GRID1: variants seen among roughly 807,000 people sequenced by gnomAD.
The protein encoded by GRID1 is glutamate receptor ionotropic, delta-1.
Under a neutral mutation model 98.0 loss-of-function variants are expected in GRID1, and 28 were observed. The observed-to-expected ratio is 0.29, with a 90% CI of 0.21 to 0.39. GRID1 has a LOEUF of 0.39. Among genes scored for constraint, GRID1 ranks in the 10% least tolerant of loss-of-function variants. The probability of loss-of-function intolerance (pLI) is 1.00; values close to 1 mark genes in which losing one functional copy is unlikely to be tolerated. For missense variants in GRID1, 1,111 were observed against 1,340.5 expected (o/e 0.83, Z 2.67); for synonymous variants, 553 against 538.5 (o/e 1.03, Z -0.37).
intron 4 of GRID1, among the ~76,000 whole-genome samples, chr10:85,979,037 G>T (rs1842509766): frequency 6.6e-6 from 1 of 152,114 alleles, no homozygotes; most frequent in Non-Finnish European, 1.5e-5. Flanking sequence ...GCTGAACTTT[G>T]TGTGTATGTG....
chr10:85,780,450 G>A (rs1184783327), intron 8 of GRID1, among the ~76,000 whole-genome samples: 1 of 152,158 alleles, frequency 6.6e-6, no homozygotes, highest in Non-Finnish European at 1.5e-5. Flanking sequence ...CCTGCACCAC[G>A]GGGCAGAAGT....
At chr10:85,788,054 CAA>C (rs202189101) in intron 8 of GRID1, among the ~76,000 whole-genome samples, 3 of 120,900 alleles carry the variant, frequency 2.5e-5, no homozygotes, top group African/African-American at 6.5e-5. Flanking sequence ...ATAAACTTCA[CAA>C]AAAAAAAAAG....
At chr10:85,773,138 C>A (rs1842290887) in intron 8 of GRID1, among the ~76,000 whole-genome samples, 1 of 152,210 alleles carries the variant, frequency 6.6e-6, no homozygotes, top group African/African-American at 2.4e-5. Flanking sequence ...ATCAAGTGGG[C>A]TTCATCCCTG....
intron 8 of GRID1, among the ~76,000 whole-genome samples, chr10:85,838,097 A>G (rs541342612): frequency 6.6e-6 from 1 of 152,368 alleles, no homozygotes; most frequent in East Asian, 1.9e-4. Flanking sequence ...TAAGACAGGC[A>G]GACAAAAACA....
At chr10:86,276,080 G>C (rs1250507201) in intron 2 of GRID1, among the ~76,000 whole-genome samples, 1 of 152,180 alleles carries the variant, frequency 6.6e-6, no homozygotes, top group Non-Finnish European at 1.5e-5. Flanking sequence ...GGTTTACTGG[G>C]AGTGTCATAA....
intron 4 of GRID1, among the ~76,000 whole-genome samples, chr10:86,101,883 T>A (rs1339156539): frequency 6.6e-6 from 1 of 152,110 alleles, no homozygotes; most frequent in Admixed American, 6.5e-5. Context: ...CAAACTCCCT[T>A]TTTAATGCTG....
intron 8 of GRID1, among the ~76,000 whole-genome samples, chr10:85,761,854 G>A (rs1194001059): frequency 5.3e-5 from 8 of 151,866 alleles, no homozygotes; most frequent in African/African-American, 1.5e-4. Flanking sequence ...CTCATTTGGC[G>A]GTTTACTGGA....
chr10:86,322,042 A>T (rs1326239404), intron 2 of GRID1, among the ~76,000 whole-genome samples: 1 of 152,060 alleles, frequency 6.6e-6, no homozygotes, highest in Non-Finnish European at 1.5e-5. Flanking sequence ...TTGAACGAGA[A>T]AACAGAGAGA....
chr10:86,206,928 A>G lies in GRID1; in HGVS notation c.236-280T>C, dbSNP rs1204794870. Among the ~76,000 whole-genome samples the G allele has an allele frequency of 6.6e-6, 1 of 152,244 alleles. No individual in the cohort carries two copies. Among genetic ancestry groups the G allele is most frequent in the Non-Finnish European group, 1.5e-5 (1 of 68,042 alleles). On this transcript the variant is annotated intron_variant, in intron 2 of 15. Coordinates refer to ENST00000327946, the MANE Select transcript of GRID1 (RefSeq NM_017551.3). This position sits in a 1 kb window ranked among gnomAD's most constrained non-coding sequence, Gnocchi z 4.1. Reference sequence around the variant, plus strand: ...ACCATTTGCCCTAGGCTAGTCAGGGAAGGATGGTAGAGCACAGATCCATCC... The same window carrying G: ...ACCATTTGCCCTAGGCTAGTCAGGGGAGGATGGTAGAGCACAGATCCATCC...
At chr10:86,173,525 T>G (rs1845525148) in intron 3 of GRID1, among the ~76,000 whole-genome samples, 1 of 152,172 alleles carries the variant, frequency 6.6e-6, no homozygotes, top group Admixed American at 6.5e-5. Context: ...GATACATCTC[T>G]TAAATCACTT....
chr10:85,869,320 A>G, intron 5 of GRID1, 140 bp from the exon 6 acceptor site: 3 of 670,466 alleles, frequency 4.5e-6, no homozygotes, highest in Non-Finnish European at 8.0e-6. Context: ...CACACAGTTC[A>G]TTAGTTGCTT....
chr10:85,879,429 C>A (rs1380273046), intron 5 of GRID1, among the ~76,000 whole-genome samples: 1 of 152,204 alleles, frequency 6.6e-6, no homozygotes, highest in Non-Finnish European at 1.5e-5. Flanking sequence ...GTCTCTCAGA[C>A]CACAGTGTAA....
At chr10:86,217,201 G>C (rs2132026787) in intron 2 of GRID1, among the ~76,000 whole-genome samples, 1 of 152,282 alleles carries the variant, frequency 6.6e-6, no homozygotes, top group Admixed American at 6.5e-5. Context: ...ACCCTGAGCT[G>C]TCTCTGATCT....
intron 15 of GRID1, among the ~76,000 whole-genome samples, chr10:85,607,930 G>T (rs985774343): frequency 6.6e-6 from 1 of 150,724 alleles, no homozygotes; most frequent in African/African-American, 2.4e-5. Context: ...CAATCCTCTT[G>T]CCTCAGCCTC....
At chr10:85,680,109 C>CA (rs1286041339) in intron 12 of GRID1, among the ~76,000 whole-genome samples, 2 of 152,152 alleles carry the variant, frequency 1.3e-5, no homozygotes, top group Non-Finnish European at 2.9e-5. Context: ...GGAGTTCCTG[C>CA]AAAATACTGA....
At chr10:85,899,338 C>T (rs1841345209) in intron 5 of GRID1, among the ~76,000 whole-genome samples, 1 of 152,130 alleles carries the variant, frequency 6.6e-6, no homozygotes, top group Admixed American at 6.5e-5. Context: ...AGGTTGATTC[C>T]ATATCTTGCT....
intron 12 of GRID1, among the ~76,000 whole-genome samples, chr10:85,689,576 T>C (rs1841310192): frequency 1.3e-5 from 2 of 152,010 alleles, no homozygotes. Flanking sequence ...AACAAAGCTA[T>C]AATTGGAAAA....
At chr10:85,743,113 C>CCCT (rs1554828636) in intron 8 of GRID1, among the ~76,000 whole-genome samples, 1 of 134,180 alleles carries the variant, frequency 7.5e-6, no homozygotes, top group Non-Finnish European at 1.7e-5. Flanking sequence ...CAGCCCCCCC[C>CCCT]CCCACCACCC....
intron 12 of GRID1, among the ~76,000 whole-genome samples, chr10:85,696,759 TTTTTGTTTCTAATA>T (rs1841399523): frequency 1.3e-5 from 2 of 152,036 alleles, no homozygotes; most frequent in African/African-American, 4.8e-5. Flanking sequence ...CAAAACTCTT[TTTTTGTTTCTAATA>T]TAGGCATTTA....
Sources: gnomAD v4.1 joint callset for allele counts (sites outside exome capture counted in the v4.1 genomes callset) on GRCh38, gnomAD v4.1.1 for gene constraint, Gnocchi (gnomAD v3.1) non-coding constraint, MANE v1.5 for transcripts, NCBI Gene and HGNC (gene_info 2026-07-23, HGNC 2026-07-21) for gene names.